XRRA1: variants seen among roughly 807,000 people sequenced by gnomAD.
XRRA1 encodes the protein X-ray radiation resistance-associated protein 1.
A neutral mutation model predicts 80.2 loss-of-function variants in XRRA1; 69 were observed. The observed-to-expected ratio is 0.86, with a 90% CI of 0.71 to 1.05. The LOEUF is 1.05. Among genes scored for constraint, XRRA1 ranks in the 50% least tolerant of loss-of-function variants. The pLI, the probability that XRRA1 is intolerant of heterozygous loss-of-function variation, is 0.00. For synonymous variants in XRRA1, 348 were observed against 389.9 expected, an observed-to-expected ratio of 0.89 and a Z score of 1.27; for missense variants, 967 against 976.4, an observed-to-expected ratio of 0.99 and a Z score of 0.13.
intron 10 of XRRA1, among the ~76,000 whole-genome samples, chr11:74,881,436 T>C (rs1158397115): frequency 6.0e-5 from 9 of 150,382 alleles, no homozygotes; most frequent in East Asian, 5.9e-4. Flanking sequence ...GTCTGTGTCT[T>C]TTAATTGGAG....
Position 74,907,154 on chromosome 11 carries a change from C to G in XRRA1, c.776G>C (p.Gly259Ala). 1 of 1,613,740 alleles carries G rather than the reference C, an allele frequency of 6.2e-7. No individual in the cohort carries two copies. The highest frequency in any genetic ancestry group is 2.2e-5 in the East Asian group (1 of 44,884). Reference sequence around the variant, plus strand: ...AGGCTTATGGCTTTACCTCCTGAGCCCAGCCAGGCTGGCAAAGCAACTGGG... The same window carrying G: ...AGGCTTATGGCTTTACCTCCTGAGCGCAGCCAGGCTGGCAAAGCAACTGGG... ...SNPSCFASLAGLRRLKKLSLD... is the reference protein window; with the variant it reads ...SNPSCFASLAALRRLKKLSLD... The change falls in exon 9 of 19, where the codon GGG becomes GCG. Residue 259 changes from glycine to alanine, a missense_variant. Physicochemically the swap from Gly to Ala is moderately conservative, Grantham distance 60. Coordinates refer to ENST00000684022, the MANE Select transcript of XRRA1 (RefSeq NM_001378157.1).
intron 10 of XRRA1, among the ~76,000 whole-genome samples, chr11:74,880,189 C>A (rs1324974472): frequency 6.6e-6 from 1 of 152,180 alleles, no homozygotes; most frequent in Non-Finnish European, 1.5e-5. Context: ...CTGGTTTAGT[C>A]TTCAGAGAGT....
intron 10 of XRRA1, among the ~76,000 whole-genome samples, chr11:74,905,472 C>CT (rs1437785292): frequency 6.6e-6 from 1 of 152,172 alleles, no homozygotes; most frequent in Non-Finnish European, 1.5e-5. Flanking sequence ...CTGTTAGACT[C>CT]TGACAATATG....
At position 74,849,480 on chromosome 11, in the gene XRRA1, TTGTC is replaced by T. The variant is rs1270610930; in HGVS notation, c.1381-1022_1381-1019del. On this transcript the variant is annotated intron_variant, in intron 14 of 18. Transcript: ENST00000684022. ...TTAGACTCTGAGGGACCCAGAGTCT[TTGTC>T]TGAATCCATGCCACAAGGCACAGGG... Among the ~76,000 whole-genome samples the T allele has an allele frequency of 5.9e-5, 9 of 152,286 alleles. No individual in the cohort carries two copies. In the South Asian group the frequency reaches 1.2e-3, roughly 21 times the overall value.
intron 8 of XRRA1, among the ~76,000 whole-genome samples, chr11:74,912,510 C>G (rs1377811966): frequency 6.6e-6 from 1 of 152,156 alleles, no homozygotes; most frequent in East Asian, 1.9e-4. Flanking sequence ...AGCCTGACTA[C>G]TCATGCTCTA....
At chr11:74,893,014 T>C (rs1287469831) in intron 10 of XRRA1, among the ~76,000 whole-genome samples, 1 of 152,202 alleles carries the variant, frequency 6.6e-6, no homozygotes, top group African/African-American at 2.4e-5. Flanking sequence ...CTCAGGGATC[T>C]AGAACTAGAA....
At chr11:74,853,837 A>C (rs1403545043) in intron 12 of XRRA1, among the ~76,000 whole-genome samples, 1 of 152,158 alleles carries the variant, frequency 6.6e-6, no homozygotes, top group African/African-American at 2.4e-5. Flanking sequence ...AGCAGAGAGA[A>C]AGAGGGCACC....
intron 4 of XRRA1, among the ~76,000 whole-genome samples, chr11:74,934,493 T>C (rs1168857413): frequency 6.6e-6 from 1 of 152,226 alleles, no homozygotes; most frequent in African/African-American, 2.4e-5. Context: ...AGTACGTATT[T>C]ATAAATGTGA....
chr11:74,877,619 C>A (rs1250167836), intron 10 of XRRA1, among the ~76,000 whole-genome samples: 3 of 121,244 alleles, frequency 2.5e-5, no homozygotes, highest in South Asian at 3.3e-4. Context: ...CCCCTCCCCC[C>A]ACCCCACAAC....
At chr11:74,886,186 G>C (rs1400680031) in intron 10 of XRRA1, among the ~76,000 whole-genome samples, 1 of 152,056 alleles carries the variant, frequency 6.6e-6, no homozygotes, top group African/African-American at 2.4e-5. Context: ...ACTCCTATTT[G>C]ATATAGCACT....
intron 12 of XRRA1, 31 bp from the exon 13 acceptor site, chr11:74,852,113 T>C (rs2040017508): frequency 8.9e-6 from 14 of 1,579,550 alleles, no homozygotes; most frequent in Non-Finnish European, 1.2e-5. Context: ...ACTCTCAGGT[T>C]GACACCACCC....
chr11:74,934,301 G>A (rs916358073), intron 4 of XRRA1, among the ~76,000 whole-genome samples: 5 of 152,138 alleles, frequency 3.3e-5, no homozygotes, highest in African/African-American at 1.2e-4. Context: ...AAAGTTAGAG[G>A]TAAATTTTAG....
intron 10 of XRRA1, among the ~76,000 whole-genome samples, chr11:74,889,154 G>A (rs1050926579): frequency 6.6e-6 from 1 of 152,172 alleles, no homozygotes; most frequent in African/African-American, 2.4e-5. Context: ...CAGCCAGAGA[G>A]AAAGGTCGGG....
intron 2 of XRRA1, among the ~76,000 whole-genome samples, chr11:74,942,544 G>A (rs1946538591): frequency 3.3e-5 from 5 of 152,200 alleles, no homozygotes; most frequent in Admixed American, 3.3e-4. Flanking sequence ...TCTCAGAGTT[G>A]TGCAAATGCA....
chr11:74,946,983 C>T (rs1947694600), intron 1 of XRRA1, among the ~76,000 whole-genome samples: 1 of 152,050 alleles, frequency 6.6e-6, no homozygotes, highest in South Asian at 2.1e-4. Context: ...GATCTCCTGA[C>T]CTCGTGATCC....
intron 4 of XRRA1, among the ~76,000 whole-genome samples, chr11:74,935,461 T>C (rs1003401159): frequency 6.6e-6 from 1 of 152,198 alleles, no homozygotes; most frequent in African/African-American, 2.4e-5. Flanking sequence ...AGTTTCTGAA[T>C]TAGTCCAATA....
chr11:74,861,135 AGG>A (rs988154397), intron 11 of XRRA1, among the ~76,000 whole-genome samples: 6 of 152,094 alleles, frequency 3.9e-5, no homozygotes, highest in African/African-American at 1.4e-4. Flanking sequence ...TTCCACAGGG[AGG>A]GGGCATGAAA....
chr11:74,894,035 C>T (rs951808506), intron 10 of XRRA1, among the ~76,000 whole-genome samples: 14 of 152,130 alleles, frequency 9.2e-5, no homozygotes, highest in African/African-American at 3.1e-4. Context: ...AGAAAATGTA[C>T]ATATTTTGGT....
At chr11:74,885,265 A>G (rs2048740999) in intron 10 of XRRA1, among the ~76,000 whole-genome samples, 1 of 152,190 alleles carries the variant, frequency 6.6e-6, no homozygotes, top group African/African-American at 2.4e-5. Flanking sequence ...CCCTGTCTCA[A>G]AGAAGAGAAA....
Sources: gnomAD v4.1 joint callset for allele counts (sites outside exome capture counted in the v4.1 genomes callset) on GRCh38, gnomAD v4.1.1 for gene constraint, MANE v1.5 for transcripts, NCBI Gene and HGNC (gene_info 2026-07-23, HGNC 2026-07-21) for gene names.